GPC6: variants seen among roughly 807,000 people sequenced by gnomAD.
GPC6 encodes glypican-6.
In GPC6, 14 loss-of-function variants were observed where a neutral mutation model predicts 55.2. That is an observed-to-expected ratio of 0.25 (90% CI 0.17 to 0.40). The LOEUF is 0.40. GPC6 is among the 10% of genes least tolerant of loss of function. The probability of loss-of-function intolerance (pLI) is 1.00; values close to 1 mark genes in which losing one functional copy is unlikely to be tolerated. For synonymous variants in GPC6, 278 were observed against 259.6 expected, an observed-to-expected ratio of 1.07 and a Z score of -0.68; for missense variants, 641 against 708.5, an observed-to-expected ratio of 0.90 and a Z score of 1.08.
rs537054050 is a variant in GPC6, at chr13:93,313,925, A to G, written c.160+86309A>G. On this transcript the variant is annotated intron_variant, in intron 1 of 8. Coordinates refer to ENST00000377047, the MANE Select transcript of GPC6 (RefSeq NM_005708.5). ...TATTTCATAAACAATGTACTGTGCA[A>G]CCTTTTCTGTATCAGGCACATATGT... Among the ~76,000 whole-genome samples the G allele has an allele frequency of 6.6e-5, 10 of 152,280 alleles. No individual in the cohort carries two copies. The South Asian group carries it at 2.1e-3, about 32-fold the overall frequency.
chr13:94,014,766 T>C (rs1882393246), intron 3 of GPC6, among the ~76,000 whole-genome samples: 2 of 152,204 alleles, frequency 1.3e-5, no homozygotes, highest in Non-Finnish European at 2.9e-5. Flanking sequence ...TTCTGGACAT[T>C]TTATATATAA....
chr13:93,348,816 C>T (rs1328691364), intron 1 of GPC6, among the ~76,000 whole-genome samples: 1 of 152,132 alleles, frequency 6.6e-6, no homozygotes, highest in Admixed American at 6.6e-5. Flanking sequence ...TGAATAGAAG[C>T]TGGAATCACA....
intron 2 of GPC6, among the ~76,000 whole-genome samples, chr13:93,733,767 C>T (rs377452709): frequency 4.6e-5 from 7 of 152,060 alleles, no homozygotes; most frequent in African/African-American, 1.2e-4. Flanking sequence ...CAGAAACACA[C>T]GAGGACGATG....
intron 2 of GPC6, among the ~76,000 whole-genome samples, chr13:93,679,017 A>T (rs183043949): frequency 1.2e-4 from 18 of 152,284 alleles, no homozygotes; most frequent in African/African-American, 4.3e-4. Flanking sequence ...ATTCTCCTGA[A>T]GAGCTCTATT....
intron 3 of GPC6, among the ~76,000 whole-genome samples, chr13:94,010,828 G>A (rs1041744178): frequency 2.0e-5 from 3 of 152,052 alleles, no homozygotes; most frequent in African/African-American, 7.2e-5. Context: ...GAAATTAATG[G>A]TGGATGATGT....
intron 4 of GPC6, among the ~76,000 whole-genome samples, chr13:94,273,036 G>A (rs1358277262): frequency 6.6e-6 from 1 of 152,096 alleles, no homozygotes; most frequent in Non-Finnish European, 1.5e-5. Context: ...TAAACTTTGT[G>A]AGGAAATAAA....
chr13:93,320,071 A>AG (rs1214876613), intron 1 of GPC6, among the ~76,000 whole-genome samples: 3 of 152,074 alleles, frequency 2.0e-5, no homozygotes, highest in Non-Finnish European at 4.4e-5. Context: ...AATGTTGGAG[A>AG]ATTTTGGAGT....
At chr13:94,108,579 G>A (rs989002489) in intron 4 of GPC6, among the ~76,000 whole-genome samples, 4 of 152,096 alleles carry the variant, frequency 2.6e-5, no homozygotes, top group African/African-American at 7.2e-5. Flanking sequence ...AGTGGCTGAC[G>A]CTTTTAATCC....
chr13:93,774,427 C>T (rs1265336841), intron 2 of GPC6, among the ~76,000 whole-genome samples: 1 of 152,118 alleles, frequency 6.6e-6, no homozygotes, highest in Non-Finnish European at 1.5e-5. Context: ...ATATTTTTAA[C>T]TTGATCAGGA....
chr13:93,318,938 G>A (rs1215183999), intron 1 of GPC6, among the ~76,000 whole-genome samples: 1 of 152,170 alleles, frequency 6.6e-6, no homozygotes, highest in African/African-American at 2.4e-5. Context: ...ACTCTAGTCA[G>A]AATGAGGTTT....
At chr13:93,821,870 A>T (rs1267594385) in intron 2 of GPC6, among the ~76,000 whole-genome samples, 2 of 152,162 alleles carry the variant, frequency 1.3e-5, no homozygotes, top group Non-Finnish European at 2.9e-5. Context: ...AAGGATAACT[A>T]TTATAGAGAA....
intron 4 of GPC6, among the ~76,000 whole-genome samples, chr13:94,098,049 G>C (rs1885728951): frequency 6.6e-6 from 1 of 152,190 alleles, no homozygotes; most frequent in Non-Finnish European, 1.5e-5. Context: ...AATGTAAGTA[G>C]ATGAGAGCTC....
At chr13:94,400,035 A>G (rs1045798095) in intron 8 of GPC6, among the ~76,000 whole-genome samples, 8 of 152,222 alleles carry the variant, frequency 5.3e-5, no homozygotes, top group Non-Finnish European at 2.9e-5. Context: ...TCTCTGACCT[A>G]AAGAGGTTAT....
chr13:94,211,600 C>T (rs1890081787), intron 4 of GPC6, among the ~76,000 whole-genome samples: 1 of 152,162 alleles, frequency 6.6e-6, no homozygotes, highest in Non-Finnish European at 1.5e-5. Context: ...CTGATAGCAC[C>T]TGTGCATGGA....
At chr13:93,943,648 T>A (rs1471463947) in intron 3 of GPC6, among the ~76,000 whole-genome samples, 1 of 152,178 alleles carries the variant, frequency 6.6e-6, no homozygotes, top group African/African-American at 2.4e-5. Context: ...TAAAGATGGC[T>A]TCTTGCTCTC....
At chr13:93,386,309 G>A (rs1258920684) in intron 1 of GPC6, among the ~76,000 whole-genome samples, 5 of 152,126 alleles carry the variant, frequency 3.3e-5, no homozygotes, top group Non-Finnish European at 7.3e-5. Context: ...TCCCCTTCAA[G>A]CTTTTTAAAA....
At chr13:94,038,290 A>G (rs1046025210) in intron 4 of GPC6, among the ~76,000 whole-genome samples, 2 of 151,918 alleles carry the variant, frequency 1.3e-5, no homozygotes, top group African/African-American at 2.4e-5. Flanking sequence ...TTTGCTTGAC[A>G]TGGCTCAACC....
At chr13:94,296,660 G>A (rs1171120094) in intron 5 of GPC6, among the ~76,000 whole-genome samples, 1 of 152,184 alleles carries the variant, frequency 6.6e-6, no homozygotes, top group African/African-American at 2.4e-5. Flanking sequence ...CAGCCTACAT[G>A]TAAACATGTG....
intron 3 of GPC6, among the ~76,000 whole-genome samples, chr13:94,022,339 T>C (rs1234757376): frequency 6.6e-6 from 1 of 152,088 alleles, no homozygotes; most frequent in Non-Finnish European, 1.5e-5. Context: ...AATCATGCAA[T>C]ATTTTTCTTT....
Sources: allele counts gnomAD v4.1 joint callset (sites outside exome capture counted in the v4.1 genomes callset), GRCh38; gene constraint gnomAD v4.1.1; transcripts MANE v1.5; gene names NCBI Gene and HGNC (gene_info 2026-07-23, HGNC 2026-07-21).